ANKRD26: variants seen among roughly 807,000 people sequenced by gnomAD.
ANKRD26 encodes the protein ankyrin repeat domain-containing protein 26.
ANKRD26 carries 141 observed loss-of-function variants against 208.7 expected under a neutral mutation model. The ratio of observed to expected loss-of-function variants is 0.68; its 90% CI spans 0.59 to 0.78. The LOEUF (loss-of-function observed/expected upper bound fraction) is 0.78, where lower values mean the gene tolerates loss of function less well. Ranked by LOEUF, ANKRD26 falls within the 30% of genes least tolerant of loss-of-function variation. ANKRD26 has a pLI of 0.00. For missense variants in ANKRD26, 1,889 were observed against 1,938.7 expected (o/e 0.97, Z 0.48); for synonymous variants, 636 against 660.4 (o/e 0.96, Z 0.57).
chr10:27,038,010 G>T lies in ANKRD26; in HGVS notation c.2420C>A (p.Thr807Lys). ...QEEEKRRNADTLYEKIREQLR... is the reference protein window; with the variant it reads ...QEEEKRRNADKLYEKIREQLR... Reference sequence around the variant, plus strand: ...CTGTTCCCTAATTTTTTCATACAACGTATCAGCATTTCTTCTCTTCTCTTC... The same window carrying T: ...CTGTTCCCTAATTTTTTCATACAACTTATCAGCATTTCTTCTCTTCTCTTC... Residue 807 changes from threonine (T) to lysine (K), a missense_variant, in exon 22 of 34, where the codon ACG (threonine) becomes AAG (lysine). Around this residue, in one of 3 missense-constraint regions of ANKRD26, gnomAD observed 1,272 missense variants for 1,273.8 expected, o/e 1.00. Transcript: ENST00000376087. 2 of 1,611,474 alleles carry T rather than the reference G, an allele frequency of 1.2e-6. No individual in the cohort carries two copies. The highest frequency in any genetic ancestry group is 8.5e-7 in the Non-Finnish European group (1 of 1,179,518).
At chr10:26,998,954 C>T (rs989141051) in intron 4 of ANKRD26, among the ~76,000 whole-genome samples, 3 of 152,076 alleles carry the variant, frequency 2.0e-5, no homozygotes, top group Non-Finnish European at 1.5e-5. Flanking sequence ...TAGCGGTATA[C>T]GTGGAGGTGG....
At chr10:27,062,488 A>G (rs542008210) in intron 12 of ANKRD26, among the ~76,000 whole-genome samples, 3 of 152,304 alleles carry the variant, frequency 2.0e-5, no homozygotes, top group Non-Finnish European at 4.4e-5. Context: ...CATTTTAAAC[A>G]AGATCCCCAG....
chr10:27,023,043 A>G (rs1462762715), intron 28 of ANKRD26, among the ~76,000 whole-genome samples: 1 of 152,196 alleles, frequency 6.6e-6, no homozygotes, highest in African/African-American at 2.4e-5. Context: ...GGAAAATCAT[A>G]CTTAGGCTGG....
chr10:27,036,479 T>C (rs936827517), intron 23 of ANKRD26, among the ~76,000 whole-genome samples: 2 of 152,088 alleles, frequency 1.3e-5, no homozygotes, highest in African/African-American at 4.8e-5. Flanking sequence ...ACAACACTAA[T>C]GGTAAATAGG....
intron 15 of ANKRD26, among the ~76,000 whole-genome samples, chr10:27,056,584 C>A (rs1309660639): frequency 1.3e-5 from 2 of 151,882 alleles, no homozygotes. Flanking sequence ...TCAAGACCAG[C>A]CTGACCAACA....
downstream of ANKRD26, among the ~76,000 whole-genome samples, chr10:26,988,625 AAT>A: frequency 6.6e-6 from 1 of 152,048 alleles, no homozygotes; most frequent in South Asian, 2.1e-4. Context: ...GATCTACAGG[AAT>A]ACTAAAGAAG....
chr10:27,059,056 G>A (rs997923538), intron 15 of ANKRD26, among the ~76,000 whole-genome samples: 6 of 151,370 alleles, frequency 4.0e-5, no homozygotes, highest in East Asian at 3.9e-4. Flanking sequence ...CTGGGACTAC[G>A]GGAGCCTGCC....
chr10:27,082,256 G>A (rs1421772128), intron 6 of ANKRD26, among the ~76,000 whole-genome samples: 1 of 152,152 alleles, frequency 6.6e-6, no homozygotes, highest in Admixed American at 6.5e-5. Context: ...TTCACTTACA[G>A]TAAAATAATT....
rs756909530 is a variant in ANKRD26 at position 27,012,873 on chromosome 10, A to G, written c.4953+9T>C. The G allele has an allele frequency of 6.2e-7, 1 of 1,609,222 alleles. No individual in the cohort carries two copies. Among genetic ancestry groups the G allele is most frequent in the Non-Finnish European group, 8.5e-7 (1 of 1,175,646 alleles). ...TGAAACCCAAAGGAAAAAAGACAAC[A>G]TAACTAACCTTGCTCAAGTAGTTCT... On this transcript the variant is annotated intron_variant, in intron 32 of 33. Transcript: ENST00000376087.
At chr10:27,096,973 G>A (rs1421311082) in intron 1 of ANKRD26, among the ~76,000 whole-genome samples, 2 of 151,388 alleles carry the variant, frequency 1.3e-5, no homozygotes, top group African/African-American at 4.9e-5. Flanking sequence ...CTTGAGGTTA[G>A]GAGTTTGAGA....
chr10:27,024,523 C>T lies in ANKRD26; in HGVS notation c.4009G>A (p.Glu1337Lys). ...DEKEQLKKLM[E>K]LKQSLECNLD... is the part of the protein sequence containing the mutation. The stretch of plus-strand genomic sequence containing the variant: ...TTACATTCCAGTGACTGTTTTAATT[C>T]CATAAGTTTCTTTAATTGTTCCTTT... Residue 1337 changes from glutamate to lysine, a missense_variant, in exon 28 of 34, where the codon GAA (glutamate) becomes AAA (lysine). Glu to Lys is a moderately conservative substitution (Grantham distance 56). Coordinates refer to ENST00000376087, the MANE Select transcript of ANKRD26 (RefSeq NM_014915.3). 1 of 1,583,212 alleles carries T rather than the reference C, an allele frequency of 6.3e-7. No individual in the cohort carries two copies. The highest frequency in any genetic ancestry group is 8.7e-7 in the Non-Finnish European group (1 of 1,154,678).
chr10:27,015,348 A>G (rs1200305938), intron 30 of ANKRD26, among the ~76,000 whole-genome samples: 1 of 152,238 alleles, frequency 6.6e-6, no homozygotes, highest in East Asian at 1.9e-4. Context: ...CTGCTGGAGC[A>G]TAAGGTTATG....
In ANKRD26 at chr10:27,092,507, G is replaced by A. The variant is rs2056332665; in HGVS notation, c.537C>T (p.Asp179=). The A allele has an allele frequency of 2.5e-6, 4 of 1,612,264 alleles. No individual in the cohort carries two copies. The highest frequency in any genetic ancestry group is 1.3e-5 in the African/African-American group (1 of 74,962). Residue 179 remains aspartate, a synonymous_variant, in exon 4 of 34, where the codon GAC becomes GAT. Coordinates refer to ENST00000376087, the MANE Select transcript of ANKRD26 (RefSeq NM_014915.3). ...TTACTGCAAGTAAAAGTGGTGTGAG[G>A]TCATCCTGTAAGACAGCAAAAACAA... ...DANIEAKNKD[D]LTPLLLAVSG... is the part of the protein sequence containing the mutation.
At chr10:27,034,447 T>A (rs1027871754) in intron 24 of ANKRD26, among the ~76,000 whole-genome samples, 6 of 152,232 alleles carry the variant, frequency 3.9e-5, no homozygotes, top group African/African-American at 1.4e-4. Flanking sequence ...TTTCCATTTA[T>A]CTGTTTCATG....
chr10:27,023,684 G>C (rs867047318), intron 28 of ANKRD26, among the ~76,000 whole-genome samples: 7 of 152,206 alleles, frequency 4.6e-5, no homozygotes, highest in Middle Eastern at 3.4e-3. Context: ...AACCACGTTA[G>C]AGAAAGACAA....
At chr10:27,064,911 T>C (rs1411211940) in intron 11 of ANKRD26, among the ~76,000 whole-genome samples, 2 of 152,196 alleles carry the variant, frequency 1.3e-5, no homozygotes, top group South Asian at 2.1e-4. Flanking sequence ...CAGGCACTTA[T>C]TTGCACATTT....
rs1199624123 is a variant in ANKRD26 at position 27,005,465 on chromosome 10, T to C, written c.*125A>G. The C allele has an allele frequency of 1.2e-5, 17 of 1,465,478 alleles. No homozygotes were observed. The highest frequency in any genetic ancestry group is 5.0e-4 in the Middle Eastern group (2 of 3,964). 90.8% of individuals were successfully genotyped at this position (1,465,478 alleles called of 1,614,324 possible). A position where few individuals can be genotyped will look rare whatever the true frequency, so the allele number is the denominator to read the frequency against. On this transcript the variant is annotated 3_prime_UTR_variant, in exon 34 of 34. Coordinates refer to ENST00000376087, the MANE Select transcript of ANKRD26 (RefSeq NM_014915.3). ...CCAAGTAACATTGTTTAAAATACTA[T>C]ATAAATTTTGATCTGACATATATGA...
chr10:26,959,124 C>G, the ANKRD26 span, among the ~76,000 whole-genome samples: 1 of 151,758 alleles, frequency 6.6e-6, no homozygotes, highest in Non-Finnish European at 1.5e-5. Flanking sequence ...ACTAAAAATA[C>G]AAAAATTAGC....
the ANKRD26 span, among the ~76,000 whole-genome samples, chr10:26,964,175 C>T: frequency 6.6e-6 from 1 of 152,010 alleles, no homozygotes; most frequent in Non-Finnish European, 1.5e-5. Flanking sequence ...TCCCAAAGGG[C>T]TGGGATTACA....
Sources: gnomAD v4.1 joint callset for allele counts (sites outside exome capture counted in the v4.1 genomes callset) on GRCh38, gnomAD v4.1.1 for gene constraint, gnomAD v4.1.1 regional missense constraint, MANE v1.5 for transcripts, NCBI Gene and HGNC (gene_info 2026-07-23, HGNC 2026-07-21) for gene names.